Variants in CAST observed in about 807,000 individuals in gnomAD.
The protein encoded by CAST is calpastatin, also known as MIR583 host.
Under a neutral mutation model 119.6 loss-of-function variants are expected in CAST, and 76 were observed. That is an observed-to-expected ratio of 0.64 (90% CI 0.53 to 0.77). The LOEUF is 0.77. Ranked by LOEUF, CAST falls within the 30% of genes least tolerant of loss-of-function variation. The pLI is 0.00. For synonymous variants in CAST, 319 were observed against 331.6 expected (o/e 0.96, Z 0.41); for missense variants, 953 against 946.5 (o/e 1.01, Z -0.09).
intron 1 of CAST, among the ~76,000 whole-genome samples, chr5:96,670,493 C>A (rs1324633128): frequency 3.3e-5 from 5 of 152,014 alleles, no homozygotes; most frequent in Admixed American, 3.3e-4. Flanking sequence ...GAAGAAGTTT[C>A]TTTGATTTTT....
intron 16 of CAST, among the ~76,000 whole-genome samples, chr5:96,745,241 C>T (rs2150544868): frequency 6.6e-6 from 1 of 152,292 alleles, no homozygotes; most frequent in South Asian, 2.1e-4. Flanking sequence ...ATGACTTCAT[C>T]CTTTAATGAG....
rs189188037 is a variant in CAST at position 96,761,901 on chromosome 5, A to G, written c.1834-373A>G. 3.8e-3 allele frequency: 600 copies of G among 159,902 alleles called. 5 individuals are homozygous for G. Among genetic ancestry groups the G allele is most frequent in the African/African-American group, 0.014 (571 of 41,824 alleles). 9.9% of individuals were successfully genotyped at this position (159,902 alleles called of 1,614,324 possible). A position where few individuals can be genotyped will look rare whatever the true frequency, so the allele number is the denominator to read the frequency against. ...CTAGCAACATTTGAGAGGGCAGTTT[A>G]GCAAAATATAGCCAGCACCATAACT... On this transcript the variant is annotated intron_variant, in intron 24 of 31. Coordinates refer to ENST00000675179, the MANE Select transcript of CAST (RefSeq NM_001750.7).
chr5:96,188,900 T>A, the CAST span, among the ~76,000 whole-genome samples: 1 of 152,340 alleles, frequency 6.6e-6, no homozygotes, highest in African/African-American at 2.4e-5. Context: ...TTAAAAGGTG[T>A]ATCACATTTT....
the CAST span, among the ~76,000 whole-genome samples, chr5:96,173,995 G>C: frequency 6.6e-6 from 1 of 152,060 alleles, no homozygotes; most frequent in Non-Finnish European, 1.5e-5. Context: ...TCCCGCCTTA[G>C]ACTTCCGAAG....
At chr5:96,001,983 A>C in the CAST span, among the ~76,000 whole-genome samples, 1 of 152,298 alleles carries the variant, frequency 6.6e-6, no homozygotes, top group African/African-American at 2.4e-5. Context: ...TTCCCTCTGC[A>C]TACATAGGCA....
At chr5:96,548,974 G>A (rs1389958728) in intron 1 of CAST, among the ~76,000 whole-genome samples, 3 of 152,156 alleles carry the variant, frequency 2.0e-5, no homozygotes, top group Non-Finnish European at 4.4e-5. Context: ...ATCACTGGGT[G>A]ACCCACATGC....
At chr5:96,313,335 A>G in the CAST span, among the ~76,000 whole-genome samples, 1 of 152,140 alleles carries the variant, frequency 6.6e-6, no homozygotes, top group African/African-American at 2.4e-5. Flanking sequence ...GTAGGAGTCA[A>G]TCTGCCTCCT....
the CAST span, among the ~76,000 whole-genome samples, chr5:96,373,368 A>G: frequency 3.9e-5 from 6 of 152,328 alleles, no homozygotes; most frequent in South Asian, 2.1e-4. Flanking sequence ...TTCTGTAGCA[A>G]TGTGTTATTT....
the CAST span, among the ~76,000 whole-genome samples, chr5:96,283,023 G>T: frequency 1.0e-4 from 15 of 150,272 alleles, no homozygotes; most frequent in East Asian, 2.9e-3. Flanking sequence ...CCAGCTACTC[G>T]GGAGGCTGAG....
the CAST span, among the ~76,000 whole-genome samples, chr5:96,286,179 T>C: frequency 6.6e-6 from 1 of 152,330 alleles, no homozygotes; most frequent in East Asian, 1.9e-4. Flanking sequence ...CAAATTAATT[T>C]AGATACTCAT....
chr5:96,036,386 T>C, the CAST span, among the ~76,000 whole-genome samples: 1 of 152,124 alleles, frequency 6.6e-6, no homozygotes, highest in South Asian at 2.1e-4. Flanking sequence ...ATTTGGCCCA[T>C]AAACTGCCAT....
the CAST span, among the ~76,000 whole-genome samples, chr5:96,442,953 T>C: frequency 1.4e-4 from 21 of 152,222 alleles, no homozygotes; most frequent in Admixed American, 1.3e-3. Flanking sequence ...CTTCTCATTC[T>C]TTTCTTTTTT....
chr5:96,719,808 C>T (rs1414329656), intron 3 of CAST, among the ~76,000 whole-genome samples: 1 of 152,166 alleles, frequency 6.6e-6, no homozygotes, highest in Non-Finnish European at 1.5e-5. Flanking sequence ...AGTCAGATGG[C>T]CAAGCTCCCA....
the CAST span, among the ~76,000 whole-genome samples, chr5:96,451,217 C>A: frequency 9.8e-5 from 15 of 152,318 alleles, no homozygotes; most frequent in South Asian, 2.9e-3. Flanking sequence ...GTACTATCTA[C>A]CACCTCCATA....
the CAST span, among the ~76,000 whole-genome samples, chr5:96,025,429 C>A: frequency 2.0e-5 from 3 of 152,164 alleles, no homozygotes; most frequent in African/African-American, 7.2e-5. Flanking sequence ...ACTCCACCCC[C>A]AATACCATCA....
the CAST span, among the ~76,000 whole-genome samples, chr5:96,380,533 G>A: frequency 2.0e-5 from 3 of 152,114 alleles, no homozygotes; most frequent in Non-Finnish European, 2.9e-5. Flanking sequence ...TGGAAAAACT[G>A]TGGTTATTCT....
At chr5:96,042,096 G>A in the CAST span, among the ~76,000 whole-genome samples, 2 of 152,164 alleles carry the variant, frequency 1.3e-5, no homozygotes, top group African/African-American at 4.8e-5. Flanking sequence ...ACCATCAGGA[G>A]GGAGGAACTT....
At chr5:96,482,148 GA>G in the CAST span, among the ~76,000 whole-genome samples, 1 of 152,044 alleles carries the variant, frequency 6.6e-6, no homozygotes, top group African/African-American at 2.4e-5. Flanking sequence ...CTTTGCTGAA[GA>G]TTTTCTTATC....
chr5:96,697,109 A>C (rs1753392841), intron 3 of CAST, among the ~76,000 whole-genome samples: 1 of 152,004 alleles, frequency 6.6e-6, no homozygotes. Flanking sequence ...CACAGGTTGC[A>C]GTGAGCCGAG....
Sources: gnomAD v4.1 joint callset for allele counts (sites outside exome capture counted in the v4.1 genomes callset) on GRCh38, gnomAD v4.1.1 for gene constraint, MANE v1.5 for transcripts, NCBI Gene and HGNC (gene_info 2026-07-23, HGNC 2026-07-21) for gene names.